The following ETV7 variants were observed in gnomAD, a reference collection of about 807,000 sequenced individuals.
The protein encoded by ETV7 is ETS variant transcription factor 7, also known as transcription factor ETV7.
In ETV7, 43 loss-of-function variants were observed where a neutral mutation model predicts 39.1. That is an observed-to-expected ratio of 1.10 (90% CI 0.86 to 1.42). ETV7 has a LOEUF of 1.42. Ranked by LOEUF, ETV7 falls within the 40% of genes most tolerant of loss-of-function variation. ETV7 has a pLI of 0.00. For synonymous variants in ETV7, 196 were observed against 176.6 expected (o/e 1.11, Z -0.87); for missense variants, 432 against 442.3 (o/e 0.98, Z 0.21).
At chr6:36,357,280 T>A (rs1222486627) in intron 7 of ETV7, among the ~76,000 whole-genome samples, 2 of 152,112 alleles carry the variant, frequency 1.3e-5, no homozygotes, top group Non-Finnish European at 2.9e-5. Flanking sequence ...AGCTGCAGCC[T>A]TAAGTAGGAG....
In ETV7 at chr6:36,376,370, G is replaced by A. The variant is rs997766104; in HGVS notation, c.143-335C>T. Among the ~76,000 whole-genome samples the A allele has an allele frequency of 7.9e-5, 12 of 152,328 alleles. No individual in the cohort carries two copies. In the East Asian group the frequency reaches 9.6e-4, roughly 12 times the overall value. On this transcript the variant is annotated intron_variant, in intron 2 of 7. Transcript: ENST00000340181. The stretch of plus-strand genomic sequence containing the variant: ...ACTATGTGCCAGCACTGGACTAGGC[G>A]TGCTGGAGCACACTGTTATGTGTAT...
intron 2 of ETV7, among the ~76,000 whole-genome samples, chr6:36,377,731 G>T (rs917342695): frequency 2.0e-5 from 3 of 152,186 alleles, no homozygotes; most frequent in Non-Finnish European, 4.4e-5. Flanking sequence ...ATGAGTACCA[G>T]CTTGTGTCAG....
At chr6:36,383,344 C>G (rs1432277396) in intron 2 of ETV7, among the ~76,000 whole-genome samples, 2 of 152,204 alleles carry the variant, frequency 1.3e-5, no homozygotes, top group African/African-American at 4.8e-5. Flanking sequence ...CTGGACATCA[C>G]GGTTGTCCTC....
rs370083197 is a variant in ETV7 at position 36,366,954 on chromosome 6, C to A, written c.829G>T (p.Glu277Ter). The A allele has an allele frequency of 1.2e-6, 2 of 1,614,018 alleles. No individual in the cohort carries two copies. The highest frequency in any genetic ancestry group is 2.2e-5 in the South Asian group (2 of 91,068). ...NHKNRVNMTYEKMSRALRHYY... is the reference protein window; with the variant it reads ...NHKNRVNMTY ...TGGCGCAGGGCACGAGACATCTTCT[C>A]GTAGGTCATGTTCACCCGGTTCTGG... The change falls in exon 7 of 8, where the codon GAG (glutamate) becomes TAG (stop). Residue 277 changes from glutamate (E) to a stop codon, truncating the protein, a stop_gained. Transcript: ENST00000340181. LOFTEE classifies it high-confidence loss of function.
At chr6:36,361,033 C>T (rs1027088999) in intron 7 of ETV7, among the ~76,000 whole-genome samples, 6 of 152,208 alleles carry the variant, frequency 3.9e-5, no homozygotes, top group Non-Finnish European at 7.3e-5. Flanking sequence ...CAAGCCAGGG[C>T]CCTATTCCCC....
chr6:36,366,021 A>G (rs1468660315), downstream of ETV7, among the ~76,000 whole-genome samples: 1 of 152,052 alleles, frequency 6.6e-6, no homozygotes, highest in Non-Finnish European at 1.5e-5. Flanking sequence ...CAAAAATACA[A>G]AAATTAGCCG....
At chr6:36,368,589 G>A (rs1051116339) in intron 6 of ETV7, among the ~76,000 whole-genome samples, 1 of 152,192 alleles carries the variant, frequency 6.6e-6, no homozygotes, top group African/African-American at 2.4e-5. Flanking sequence ...TTGGGCCTGA[G>A]ACCTGGGTTT....
intron 2 of ETV7, among the ~76,000 whole-genome samples, chr6:36,380,745 C>T (rs988366533): frequency 2.0e-5 from 3 of 152,022 alleles, no homozygotes; most frequent in African/African-American, 4.8e-5. Context: ...GTCTCTCCAG[C>T]CCCTATAGCA....
At chr6:36,358,489 A>G (rs1268968059) in intron 7 of ETV7, among the ~76,000 whole-genome samples, 1 of 152,244 alleles carries the variant, frequency 6.6e-6, no homozygotes, top group Non-Finnish European at 1.5e-5. Flanking sequence ...GCAGAGGGCT[A>G]GAGTTGGCAT....
intron 7 of ETV7, among the ~76,000 whole-genome samples, chr6:36,360,093 A>G (rs1393600942): frequency 2.0e-5 from 3 of 152,114 alleles, no homozygotes; most frequent in Non-Finnish European, 2.9e-5. Context: ...GAGTTTCACC[A>G]TGTTGGCCAG....
intron 3 of ETV7, among the ~76,000 whole-genome samples, chr6:36,374,938 A>G (rs1773236400): frequency 1.3e-5 from 2 of 152,080 alleles, no homozygotes; most frequent in South Asian, 4.1e-4. Flanking sequence ...GCGTGGTGGC[A>G]GGCGCCTGTA....
At chr6:36,365,962 G>A (rs144666850), downstream of ETV7, among the ~76,000 whole-genome samples, 2 of 152,110 alleles carry the variant, frequency 1.3e-5, no homozygotes, top group Non-Finnish European at 2.9e-5. Context: ...ACCTGAGGTC[G>A]CAAGTTCGAT....
intron 6 of ETV7, among the ~76,000 whole-genome samples, chr6:36,368,565 A>G (rs1290029801): frequency 6.6e-6 from 1 of 152,160 alleles, no homozygotes; most frequent in Non-Finnish European, 1.5e-5. Context: ...CAGCCCTGAC[A>G]TCAGATGCTC....
chr6:36,369,366 G>A (rs969655977), intron 5 of ETV7, among the ~76,000 whole-genome samples: 11 of 152,214 alleles, frequency 7.2e-5, no homozygotes, highest in Admixed American at 2.6e-4. Context: ...GGTAGAGCAG[G>A]GAGTCTGACC....
intron 2 of ETV7, among the ~76,000 whole-genome samples, chr6:36,380,443 G>A (rs771480681): frequency 2.0e-5 from 3 of 152,164 alleles, no homozygotes; most frequent in African/African-American, 4.8e-5. Context: ...GCCAGCTCCC[G>A]ACTCCCAGCT....
intron 6 of ETV7, among the ~76,000 whole-genome samples, chr6:36,367,496 G>C (rs559367517): frequency 6.6e-6 from 1 of 151,902 alleles, no homozygotes; most frequent in South Asian, 2.1e-4. Flanking sequence ...AGGAAGGAAG[G>C]AAATGATGGA....
intron 7 of ETV7, among the ~76,000 whole-genome samples, chr6:36,357,598 C>T (rs921345743): frequency 2.6e-5 from 4 of 152,194 alleles, no homozygotes; most frequent in Non-Finnish European, 5.9e-5. Flanking sequence ...CCTCCCCGGC[C>T]ACGTGCGCTG....
intron 2 of ETV7, among the ~76,000 whole-genome samples, chr6:36,379,164 G>A (rs1285152204): frequency 6.6e-6 from 1 of 152,206 alleles, no homozygotes. Flanking sequence ...GGTGTCAACC[G>A]CCAATTGCAT....
intron 2 of ETV7, among the ~76,000 whole-genome samples, chr6:36,379,489 A>G (rs1412505345): frequency 1.3e-5 from 2 of 151,888 alleles, no homozygotes; most frequent in African/African-American, 4.8e-5. Context: ...TCACGGATGC[A>G]ATGAGCTATG....
Sources: gnomAD v4.1 joint callset for allele counts (sites outside exome capture counted in the v4.1 genomes callset) on GRCh38, gnomAD v4.1.1 for gene constraint, MANE v1.5 for transcripts, NCBI Gene and HGNC (gene_info 2026-07-23, HGNC 2026-07-21) for gene names.